Variants in HELZ2 observed in about 807,000 individuals in gnomAD.
HELZ2 encodes the protein 3'-5' exoribonuclease HELZ2.
A neutral mutation model predicts 208.8 loss-of-function variants in HELZ2; 143 were observed. The observed-to-expected ratio is 0.68, with a 90% confidence interval of 0.60 to 0.79. The LOEUF is 0.79. Ranked by LOEUF, HELZ2 falls within the 30% of genes least tolerant of loss-of-function variation. HELZ2 has a pLI of 0.00. For missense variants in HELZ2, 3,690 were observed against 3,794.5 expected (o/e 0.97, Z 0.72); for synonymous variants, 1,705 against 1,693.7 (o/e 1.01, Z -0.16).
exon 5 of HELZ2, chr20:63,568,814 G>A (rs2082990236): frequency 3.1e-6 from 5 of 1,612,092 alleles, no homozygotes; most frequent in Admixed American, 1.7e-5. Flanking sequence ...ATTGTCGGGT[G>A]CAGGTACAGG....
exon 1 of HELZ2, chr20:63,572,308 G>A (rs372384698): frequency 9.6e-5 from 153 of 1,586,340 alleles, no homozygotes; most frequent in Non-Finnish European, 1.2e-4. Flanking sequence ...CCGTGCGCCC[G>A]TCGCCATCAG....
intron 14 of HELZ2, 26 bp from the exon 16 acceptor site, chr20:63,560,955 T>G: frequency 6.2e-7 from 1 of 1,609,924 alleles, no homozygotes; most frequent in Non-Finnish European, 8.5e-7. Context: ...GGCCTGGCCC[T>G]GACACCCCTA....
At position 63,560,463 on chromosome 20, in the gene HELZ2, G is replaced by A. The variant is rs768815624; in HGVS notation, c.7500+16C>T. 1.1e-5 allele frequency: 18 copies of A among 1,603,714 alleles called. No homozygotes were observed. The highest frequency in any genetic ancestry group is 9.9e-5 in the South Asian group (9 of 90,530). The stretch of plus-strand genomic sequence containing the variant: ...TCCAGAAAGCCCTCCCTGACTCACA[G>A]GCACCAGACACTCACCACCTCAGCC... On this transcript the variant is annotated intron_variant, in intron 16 of 18. Transcript: ENST00000467148.
At chr20:63,568,941 T>C (rs770804217) in exon 5 of HELZ2, 2 of 1,607,036 alleles carry the variant, frequency 1.2e-6, no homozygotes. Context: ...GCGAAGAGCA[T>C]GTTCAGCGCT....
downstream of HELZ2, chr20:63,559,170 G>T: frequency 7.0e-7 from 1 of 1,419,190 alleles, no homozygotes; most frequent in Non-Finnish European, 9.4e-7. Flanking sequence ...GGCTGATGGC[G>T]GAGGGTGGTG....
chr20:63,565,067 A>T, exon 8 of HELZ2: 6 of 1,563,036 alleles, frequency 3.8e-6, no homozygotes, highest in Non-Finnish European at 5.2e-6. Flanking sequence ...GAGCCTCTCA[A>T]GCCCCACACG....
At chr20:63,561,562 G>A (rs760164504) in intron 12 of HELZ2, 39 bp downstream of exon 13, 5 of 1,582,462 alleles carry the variant, frequency 3.2e-6, no homozygotes, top group Admixed American at 1.7e-5. Flanking sequence ...TGGACAGCTC[G>A]GCCCCACTCC....
intron 13 of HELZ2, 34 bp downstream of exon 14, chr20:63,561,316 C>T (rs368991194): frequency 8.3e-5 from 134 of 1,612,452 alleles, no homozygotes; most frequent in Non-Finnish European, 1.1e-4. Flanking sequence ...CCCCATGCTG[C>T]AGGCAGCTCC....
At chr20:63,566,150 A>C (rs1222929167) in exon 8 of HELZ2, 3 of 1,560,536 alleles carry the variant, frequency 1.9e-6, no homozygotes, top group East Asian at 4.6e-5. Context: ...GTCGGTGAAG[A>C]ACTCAGGGGC....
chr20:63,561,907 C>A, exon 11 of HELZ2: 2 of 1,585,954 alleles, frequency 1.3e-6, no homozygotes, highest in South Asian at 1.1e-5. Context: ...CGGGGGGGGC[C>A]TCCGGGCTGC....
exon 8 of HELZ2, chr20:63,565,802 G>T: frequency 6.3e-7 from 1 of 1,599,622 alleles, no homozygotes; most frequent in East Asian, 2.2e-5. Flanking sequence ...ACGGGATGCT[G>T]GGCTCAGAGC....
downstream of HELZ2, chr20:63,558,318 C>G (rs576012706): frequency 1.3e-5 from 2 of 149,984 alleles, no homozygotes; most frequent in South Asian, 2.1e-4. Flanking sequence ...CCCCAACCCC[C>G]GAGCCCACTG....
upstream of HELZ2, chr20:63,572,464 G>T: frequency 1.4e-6 from 2 of 1,392,454 alleles, no homozygotes; most frequent in South Asian, 1.5e-5. Context: ...ACCTGCAGTA[G>T]GCAGGAGGCT....
At position 63,568,700 on chromosome 20, in the gene HELZ2, G is replaced by T. The variant is rs1276213682; in HGVS notation, c.1388C>A (p.Ala463Asp). Residue 463 changes from alanine to aspartate, a missense_variant, in exon 5 of 19, where the codon GCC (alanine) becomes GAC (aspartate). This residue lies in a region of HELZ2 where 1,119 missense variants were observed against 1,193.4 expected (regional missense o/e 0.94). Coordinates refer to ENST00000467148, the Ensembl canonical transcript of HELZ2. Reference sequence around the variant, plus strand: ...GAACTGCACCTCCAGGACCAGGCGGGCCTCAGGCTGCAGCCCCAGGGCCAA... The same window carrying T: ...GAACTGCACCTCCAGGACCAGGCGGTCCTCAGGCTGCAGCCCCAGGGCCAA... The T allele has an allele frequency of 5.0e-6, 8 of 1,605,826 alleles. No homozygotes were observed. In the Admixed American group the frequency reaches 6.7e-5, roughly 13 times the overall value.
chr20:63,562,469 G>A (rs1293758829), intron 8 of HELZ2, 51 bp downstream of exon 9: 1 of 1,523,508 alleles, frequency 6.6e-7, no homozygotes, highest in East Asian at 2.4e-5. Context: ...CTGCAAGTGA[G>A]GGGCCCGGGG....
exon 8 of HELZ2, chr20:63,562,661 T>A (rs1334378692): frequency 6.3e-7 from 1 of 1,597,460 alleles, no homozygotes; most frequent in African/African-American, 1.3e-5. Context: ...TGCCCGGCGC[T>A]CCTGGTCCCA....
At chr20:63,566,321 G>A (rs886778839) in intron 7 of HELZ2, 57 bp downstream of exon 8, 106 of 1,524,386 alleles carry the variant, frequency 7.0e-5, no homozygotes, top group Middle Eastern at 6.9e-4. Flanking sequence ...GGAGTGGGCC[G>A]AGCCACCCGG....
exon 8 of HELZ2, chr20:63,565,505 T>C: frequency 6.2e-7 from 1 of 1,606,516 alleles, no homozygotes; most frequent in Non-Finnish European, 8.5e-7. Context: ...CAGCCGGGCC[T>C]GCTGCAGGGA....
intron 6 of HELZ2, 134 bp downstream of exon 7, chr20:63,566,710 G>T (rs1161439382): frequency 1.1e-6 from 1 of 920,614 alleles, no homozygotes; most frequent in Non-Finnish European, 1.6e-6. Flanking sequence ...CCCCACCTCA[G>T]CCCTGGGAGG....
Sources: allele counts gnomAD v4.1 joint callset, GRCh38; gene constraint gnomAD v4.1.1; regional missense constraint gnomAD v4.1.1; transcripts MANE v1.5; gene names NCBI Gene and HGNC (gene_info 2026-07-23, HGNC 2026-07-21).